The following PTPRT variants were observed in gnomAD, a reference collection of about 807,000 sequenced individuals.
The protein encoded by PTPRT is receptor-type tyrosine-protein phosphatase T.
PTPRT carries 56 observed loss-of-function variants against 176.8 expected under a neutral mutation model. The observed-to-expected ratio is 0.32, with a 90% CI of 0.26 to 0.40. The LOEUF is 0.40. Among genes scored for constraint, PTPRT ranks in the 10% least tolerant of loss-of-function variants. The pLI, the probability that PTPRT is intolerant of heterozygous loss-of-function variation, is 1.00. For missense variants in PTPRT, 1,540 were observed against 1,908.2 expected (o/e 0.81, Z 3.60); for synonymous variants, 783 against 739.0 (o/e 1.06, Z -0.96).
At chr20:42,858,436 T>G (rs1314674157) in intron 2 of PTPRT, among the ~76,000 whole-genome samples, 1 of 152,158 alleles carries the variant, frequency 6.6e-6, no homozygotes, top group Admixed American at 6.5e-5. Flanking sequence ...CGAATGTTTG[T>G]GGAGGCCAAA....
intron 1 of PTPRT, among the ~76,000 whole-genome samples, chr20:43,043,221 G>C (rs891597331): frequency 4.6e-5 from 7 of 152,250 alleles, no homozygotes; most frequent in Non-Finnish European, 1.0e-4. Context: ...GGGTGTGAGA[G>C]GCTAGCAAAC....
chr20:42,497,067 C>T (rs972295328), intron 7 of PTPRT, among the ~76,000 whole-genome samples: 4 of 152,058 alleles, frequency 2.6e-5, no homozygotes, highest in Admixed American at 2.0e-4. Flanking sequence ...ACCCAGAGAA[C>T]GAATGGAACC....
intron 1 of PTPRT, among the ~76,000 whole-genome samples, chr20:43,050,700 A>T (rs1403801224): frequency 1.3e-5 from 2 of 152,232 alleles, no homozygotes; most frequent in Non-Finnish European, 2.9e-5. Context: ...GAATCATGTG[A>T]CTATTATAAC....
chr20:43,017,328 C>A (rs529209951), intron 1 of PTPRT, among the ~76,000 whole-genome samples: 3 of 152,036 alleles, frequency 2.0e-5, no homozygotes, highest in Admixed American at 6.5e-5. Context: ...CCTTTCTGTG[C>A]GTTTCCTTCC....
At chr20:42,208,346 G>T (rs553783966) in intron 15 of PTPRT, among the ~76,000 whole-genome samples, 1 of 151,536 alleles carries the variant, frequency 6.6e-6, no homozygotes, top group East Asian at 1.9e-4. Flanking sequence ...ACACAGACTG[G>T]CAAGTTGGAT....
chr20:42,943,303 C>T (rs1444205402), intron 1 of PTPRT, among the ~76,000 whole-genome samples: 4 of 152,186 alleles, frequency 2.6e-5, no homozygotes, highest in African/African-American at 9.6e-5. Flanking sequence ...AGATCATCAG[C>T]TCCTGGAAGT....
intron 6 of PTPRT, among the ~76,000 whole-genome samples, chr20:42,742,181 G>A (rs571248005): frequency 1.8e-4 from 28 of 152,280 alleles, no homozygotes; most frequent in Admixed American, 3.3e-4. Flanking sequence ...GAGACCAGAC[G>A]CAGCAAACCT....
the PTPRT span, among the ~76,000 whole-genome samples, chr20:42,034,530 T>G: frequency 1.3e-5 from 2 of 152,088 alleles, no homozygotes; most frequent in Non-Finnish European, 2.9e-5. Flanking sequence ...AAAGATTGAG[T>G]CTCAGGCCAG....
intron 9 of PTPRT, among the ~76,000 whole-genome samples, chr20:42,390,881 G>A (rs149179648): frequency 3.3e-5 from 5 of 152,248 alleles, no homozygotes; most frequent in South Asian, 2.1e-4. Context: ...AGTACCGACC[G>A]AGAGGCTGGC....
rs562192050 is a variant in PTPRT at position 42,716,730 on chromosome 20, C to T, written c.860-38571G>A. 8.5e-4 allele frequency among the ~76,000 whole-genome samples: 130 copies of T among 152,206 alleles called. 1 individual carries two copies. The highest frequency in any genetic ancestry group is 5.2e-4 in the Admixed American group (8 of 15,288). On this transcript the variant is annotated intron_variant, in intron 6 of 30. Coordinates refer to ENST00000373187, the MANE Select transcript of PTPRT (RefSeq NM_007050.6). ...TAAATCATGCTGCTATAAAGACACA[C>T]GCACATGTATGTTTATTGTGGCACT...
At chr20:42,541,131 A>T (rs74747972) in intron 7 of PTPRT, among the ~76,000 whole-genome samples, 2,247 of 152,300 alleles carry the variant, frequency 0.015, 54 homozygotes, top group African/African-American at 0.052. Flanking sequence ...ATAGATTTTT[A>T]AAAATATAAA....
chr20:42,990,967 C>T (rs1372047217), intron 1 of PTPRT, among the ~76,000 whole-genome samples: 1 of 151,926 alleles, frequency 6.6e-6, no homozygotes, highest in East Asian at 1.9e-4. Flanking sequence ...TAAAGATGAC[C>T]TGGTAGGAAT....
chr20:42,344,365 G>A, intron 11 of PTPRT, among the ~76,000 whole-genome samples: 1 of 152,206 alleles, frequency 6.6e-6, no homozygotes, highest in East Asian at 1.9e-4. Flanking sequence ...AATTGGATAA[G>A]ACTGGTCTGA....
intron 3 of PTPRT, among the ~76,000 whole-genome samples, chr20:42,785,028 A>T (rs1422405741): frequency 6.6e-6 from 1 of 152,236 alleles, no homozygotes; most frequent in Admixed American, 6.5e-5. Context: ...TATACAAAAA[A>T]AGTTAAGTTG....
chr20:43,155,644 T>C (rs1001924911), intron 1 of PTPRT, among the ~76,000 whole-genome samples: 4 of 152,136 alleles, frequency 2.6e-5, no homozygotes, highest in Admixed American at 2.0e-4. Context: ...GATGATAAAT[T>C]GTATTCTTGA....
chr20:43,017,765 T>C (rs866188300), intron 1 of PTPRT, among the ~76,000 whole-genome samples: 21 of 152,168 alleles, frequency 1.4e-4, no homozygotes, highest in African/African-American at 4.8e-4. Context: ...TCTTGAGCAA[T>C]AGATGCCCTG....
At chr20:42,603,878 C>T (rs7509056) in intron 7 of PTPRT, among the ~76,000 whole-genome samples, 1 of 152,210 alleles carries the variant, frequency 6.6e-6, no homozygotes, top group South Asian at 2.1e-4. Flanking sequence ...AGACTCCCTC[C>T]TCCATGCATA....
chr20:42,101,683 C>A (rs1159840989), intron 26 of PTPRT, among the ~76,000 whole-genome samples: 6 of 152,230 alleles, frequency 3.9e-5, no homozygotes, highest in Non-Finnish European at 8.8e-5. Context: ...TTTGTCTCTG[C>A]TCAGGAGTTA....
intron 2 of PTPRT, among the ~76,000 whole-genome samples, chr20:42,846,221 A>G: frequency 6.6e-6 from 1 of 152,182 alleles, no homozygotes; most frequent in South Asian, 2.1e-4. Flanking sequence ...TGTCTGAACT[A>G]TCCACCCTTC....
Sources: allele counts gnomAD v4.1 joint callset (sites outside exome capture counted in the v4.1 genomes callset), GRCh38; gene constraint gnomAD v4.1.1; transcripts MANE v1.5; gene names NCBI Gene and HGNC (gene_info 2026-07-23, HGNC 2026-07-21).